The following SNX29 variants were observed in gnomAD, a reference collection of about 807,000 sequenced individuals.
The protein encoded by SNX29 is sorting nexin-29.
A neutral mutation model predicts 102.1 loss-of-function variants in SNX29; 78 were observed. That is an observed-to-expected ratio of 0.76 (90% confidence interval 0.64 to 0.92). The LOEUF is 0.92. SNX29 is among the 40% of genes least tolerant of loss of function. The pLI is 0.00. For missense variants in SNX29, 1,280 were observed against 1,061.7 expected, an observed-to-expected ratio of 1.21 and a Z score of -2.86; for synonymous variants, 580 against 414.5, an observed-to-expected ratio of 1.40 and a Z score of -4.85.
intron 13 of SNX29, among the ~76,000 whole-genome samples, chr16:12,166,606 T>G (rs918883127): frequency 6.6e-6 from 1 of 152,310 alleles, no homozygotes; most frequent in Middle Eastern, 3.4e-3. Context: ...CCCCACCTAC[T>G]TCTCAGGTGG....
intron 3 of SNX29, among the ~76,000 whole-genome samples, chr16:12,004,328 A>G (rs2056385810): frequency 6.6e-6 from 1 of 151,982 alleles, no homozygotes; most frequent in East Asian, 1.9e-4. Flanking sequence ...GCGACAGAGC[A>G]AGATTCCATC....
chr16:12,540,774 G>GTGTCAGGTGCT (rs1207589292), intron 20 of SNX29, among the ~76,000 whole-genome samples: 1 of 152,222 alleles, frequency 6.6e-6, no homozygotes, highest in Non-Finnish European at 1.5e-5. Flanking sequence ...CTCCCCTAGA[G>GTGTCAGGTGCT]TGTCAGGTGC....
chr16:12,199,427 A>G (rs58396643), intron 13 of SNX29, among the ~76,000 whole-genome samples, 174 bp from the exon 14 acceptor site: 2,968 of 152,334 alleles, frequency 0.019, 97 homozygotes, highest in African/African-American at 0.067. Context: ...GACATGCCCA[A>G]GGTAACACAA....
rs931741419 is a variant in SNX29, at chr16:12,073,946, C to G, written c.1319+4814C>G. Reference sequence around the variant, plus strand: ...AATGGCCTTCTTTGTCTCTTTTGATCTTTGTTGGTTTAAAGTCTCTTTTAT... The same window carrying G: ...AATGGCCTTCTTTGTCTCTTTTGATGTTTGTTGGTTTAAAGTCTCTTTTAT... On this transcript the variant is annotated intron_variant, in intron 10 of 20. Coordinates refer to ENST00000566228, the MANE Select transcript of SNX29 (RefSeq NM_032167.5). Among the ~76,000 whole-genome samples the G allele has an allele frequency of 7.9e-5, 12 of 152,170 alleles. 1 individual carries two copies. The highest frequency in any genetic ancestry group is 2.9e-4 in the African/African-American group (12 of 41,518).
intron 13 of SNX29, among the ~76,000 whole-genome samples, chr16:12,164,575 C>T (rs1567268461): frequency 6.6e-6 from 1 of 151,650 alleles, no homozygotes; most frequent in East Asian, 1.9e-4. Context: ...AGGGGCCATA[C>T]AGCATTTGGA....
intron 18 of SNX29, among the ~76,000 whole-genome samples, chr16:12,462,134 G>T (rs1489130589): frequency 1.3e-5 from 2 of 150,708 alleles, no homozygotes; most frequent in East Asian, 3.9e-4. Context: ...GCTTCGCTCT[G>T]GGTGCTGGGC....
chr16:12,557,534 G>C (rs1171950429), intron 20 of SNX29: 1 of 151,966 alleles, frequency 6.6e-6, no homozygotes. Context: ...ACTAATTTTT[G>C]CATTTTCAGT....
Position 12,283,598 on chromosome 16 carries a change from C to T in SNX29, c.1782+5562C>T, listed in dbSNP as rs372617200. 4.6e-5 allele frequency among the ~76,000 whole-genome samples: 7 copies of T among 152,212 alleles called. No individual in the cohort carries two copies. In the East Asian group the frequency reaches 1.3e-3, roughly 29 times the overall value. On this transcript the variant is annotated intron_variant, in intron 15 of 20. Coordinates refer to ENST00000566228, the MANE Select transcript of SNX29 (RefSeq NM_032167.5). The stretch of plus-strand genomic sequence containing the variant: ...CCTCCCAAAGTGCTGGGATTACAGG[C>T]ATGAGCCACTTGCAGAGCGACTTCT...
At chr16:12,334,221 A>G (rs992286791) in intron 15 of SNX29, among the ~76,000 whole-genome samples, 1 of 152,174 alleles carries the variant, frequency 6.6e-6, no homozygotes, top group African/African-American at 2.4e-5. Flanking sequence ...GATCTTTGGG[A>G]TGGCATGTTT....
chr16:12,457,445 CAG>C (rs2086587672), intron 18 of SNX29, among the ~76,000 whole-genome samples: 1 of 152,170 alleles, frequency 6.6e-6, no homozygotes, highest in Admixed American at 6.5e-5. Context: ...CTGTGTTTTG[CAG>C]AGATACGGCA....
intron 15 of SNX29, among the ~76,000 whole-genome samples, chr16:12,309,694 G>A (rs1208278382): frequency 2.0e-5 from 3 of 152,168 alleles, no homozygotes; most frequent in Admixed American, 6.5e-5. Context: ...GTTCTCACTC[G>A]TTACTTGAAG....
intron 16 of SNX29, among the ~76,000 whole-genome samples, chr16:12,369,379 A>G (rs1000837995): frequency 1.3e-5 from 2 of 151,404 alleles, no homozygotes; most frequent in Middle Eastern, 3.4e-3. Flanking sequence ...CAAGTGATCG[A>G]CCCACCTTGG....
chr16:12,358,673 TG>T (rs759566723), intron 16 of SNX29, among the ~76,000 whole-genome samples: 9 of 152,238 alleles, frequency 5.9e-5, no homozygotes, highest in Non-Finnish European at 1.2e-4. Context: ...GAAAGAATAC[TG>T]CACAGAGAAG....
intron 15 of SNX29, among the ~76,000 whole-genome samples, chr16:12,279,535 G>A (rs1356493476): frequency 1.3e-5 from 2 of 152,216 alleles, no homozygotes; most frequent in East Asian, 1.9e-4. Context: ...AGCTCCCTCA[G>A]TGGGGCTGTG....
intron 14 of SNX29, among the ~76,000 whole-genome samples, chr16:12,236,887 T>TGG (rs1004490117): frequency 1.3e-5 from 2 of 152,180 alleles, no homozygotes; most frequent in African/African-American, 4.8e-5. Flanking sequence ...GAACTGTGCT[T>TGG]GACACGTGGT....
intron 14 of SNX29, among the ~76,000 whole-genome samples, chr16:12,224,294 C>G (rs899849250): frequency 3.3e-5 from 5 of 152,160 alleles, no homozygotes; most frequent in African/African-American, 1.2e-4. Context: ...CTCCCTCCTT[C>G]TTTCTCTCTC....
chr16:12,286,438 C>T (rs1246218311), intron 15 of SNX29, among the ~76,000 whole-genome samples: 8 of 149,164 alleles, frequency 5.4e-5, no homozygotes, highest in South Asian at 2.2e-4. Flanking sequence ...CTCTGCCTCC[C>T]GGGTTCATGC....
intron 15 of SNX29, among the ~76,000 whole-genome samples, chr16:12,311,092 G>A (rs1204986963): frequency 6.6e-6 from 1 of 152,190 alleles, no homozygotes; most frequent in Non-Finnish European, 1.5e-5. Flanking sequence ...TATAAGTGAG[G>A]GCTGGTCCTT....
intron 18 of SNX29, among the ~76,000 whole-genome samples, chr16:12,425,049 A>C (rs1447286085): frequency 1.3e-5 from 2 of 152,228 alleles, no homozygotes; most frequent in African/African-American, 4.8e-5. Context: ...TGGATCTCAT[A>C]AACAATGTTG....
Sources: gnomAD v4.1 joint callset for allele counts (sites outside exome capture counted in the v4.1 genomes callset) on GRCh38, gnomAD v4.1.1 for gene constraint, MANE v1.5 for transcripts, NCBI Gene and HGNC (gene_info 2026-07-23, HGNC 2026-07-21) for gene names.